The following SNTG1 variants were observed in gnomAD, a reference collection of about 807,000 sequenced individuals.
The protein encoded by SNTG1 is gamma-1-syntrophin.
In SNTG1, 39 loss-of-function variants were observed where a neutral mutation model predicts 74.7. The observed-to-expected ratio is 0.52, with a 90% CI of 0.40 to 0.68. The LOEUF is 0.68. Ranked by LOEUF, SNTG1 falls within the 30% of genes least tolerant of loss-of-function variation. The pLI, the probability that SNTG1 is intolerant of heterozygous loss-of-function variation, is 0.00. For missense variants in SNTG1, 685 were observed against 609.5 expected, an observed-to-expected ratio of 1.12 and a Z score of -1.30; for synonymous variants, 254 against 217.1, an observed-to-expected ratio of 1.17 and a Z score of -1.49.
intron 12 of SNTG1, among the ~76,000 whole-genome samples, chr8:50,561,326 T>C (rs567579225): frequency 6.6e-6 from 1 of 152,192 alleles, no homozygotes; most frequent in East Asian, 1.9e-4. Context: ...ACCTCTTTCC[T>C]TCATAAATTA....
chr8:50,220,684 G>T (rs1253782530), intron 2 of SNTG1, among the ~76,000 whole-genome samples: 1 of 152,188 alleles, frequency 6.6e-6, no homozygotes, highest in Non-Finnish European at 1.5e-5. Flanking sequence ...TGGAGCAAGA[G>T]TGCAGCACAG....
intron 2 of SNTG1, among the ~76,000 whole-genome samples, chr8:50,235,900 T>C (rs2132095535): frequency 6.6e-6 from 1 of 152,296 alleles, no homozygotes; most frequent in East Asian, 1.9e-4. Context: ...AAAAAAATGT[T>C]TCTAGCATTA....
Position 50,005,204 on chromosome 8 carries a change from A to G in SNTG1, c.-103+92973A>G, listed in dbSNP as rs369298131. Among the ~76,000 whole-genome samples the G allele has an allele frequency of 3.5e-4, 54 of 152,224 alleles. No homozygotes were observed. The South Asian group carries it at 6.6e-3, about 19-fold the overall frequency. On this transcript the variant is annotated intron_variant, in intron 1 of 18. Transcript: ENST00000642720. The stretch of plus-strand genomic sequence containing the variant: ...AAGCATACCTAAAGAAGAAAAATAT[A>G]CATTCTAAACTAGAAAACAAGGAAA...
At chr8:50,763,666 G>GTT (rs1563817345) in intron 18 of SNTG1, among the ~76,000 whole-genome samples, 2 of 149,028 alleles carry the variant, frequency 1.3e-5, no homozygotes, top group African/African-American at 4.9e-5. Flanking sequence ...GTGTGTGTGT[G>GTT]TGTGTGTGTG....
chr8:50,140,992 G>A (rs2081639024), intron 1 of SNTG1, among the ~76,000 whole-genome samples: 1 of 152,196 alleles, frequency 6.6e-6, no homozygotes, highest in East Asian at 1.9e-4. Context: ...AACATCCCCT[G>A]GAAACTTGAT....
At chr8:50,304,722 TA>T (rs1295506179) in intron 2 of SNTG1, among the ~76,000 whole-genome samples, 1 of 152,180 alleles carries the variant, frequency 6.6e-6, no homozygotes, top group East Asian at 1.9e-4. Flanking sequence ...TCTGAGCAGA[TA>T]GCTTTTTCAT....
At chr8:50,660,168 A>G (rs1171204548) in intron 15 of SNTG1, among the ~76,000 whole-genome samples, 1 of 151,616 alleles carries the variant, frequency 6.6e-6, no homozygotes, top group Non-Finnish European at 1.5e-5. Context: ...AAAGCTACTC[A>G]TGTAATTAGG....
At chr8:50,434,154 C>T (rs1341106038) in intron 4 of SNTG1, among the ~76,000 whole-genome samples, 1 of 151,572 alleles carries the variant, frequency 6.6e-6, no homozygotes, top group African/African-American at 2.4e-5. Flanking sequence ...GTTCTTTGTC[C>T]TTGCCATAGT....
intron 1 of SNTG1, among the ~76,000 whole-genome samples, chr8:49,999,551 C>T (rs569686568): frequency 7.2e-5 from 11 of 152,264 alleles, no homozygotes; most frequent in African/African-American, 2.6e-4. Flanking sequence ...TCTGACCATT[C>T]GTCCCTATTC....
At chr8:50,471,293 T>C (rs1361283715) in intron 8 of SNTG1, among the ~76,000 whole-genome samples, 2 of 151,806 alleles carry the variant, frequency 1.3e-5, no homozygotes, top group Non-Finnish European at 2.9e-5. Flanking sequence ...TGTGTTTCAA[T>C]AGACATTGCT....
intron 8 of SNTG1, among the ~76,000 whole-genome samples, chr8:50,476,693 T>G (rs2131790072): frequency 6.6e-6 from 1 of 152,318 alleles, no homozygotes; most frequent in East Asian, 1.9e-4. Context: ...ACTAGATTTT[T>G]CTTGCTGTCC....
intron 1 of SNTG1, among the ~76,000 whole-genome samples, chr8:49,949,124 C>A (rs1298736271): frequency 6.6e-6 from 1 of 152,138 alleles, no homozygotes; most frequent in Non-Finnish European, 1.5e-5. Context: ...TCTGTCCAGG[C>A]CTGATGGTTC....
intron 2 of SNTG1, among the ~76,000 whole-genome samples, chr8:50,260,429 C>T (rs1175731927): frequency 1.3e-5 from 2 of 152,054 alleles, no homozygotes; most frequent in African/African-American, 4.8e-5. Context: ...TAGTACACTT[C>T]TCCACACACA....
chr8:50,572,970 C>G (rs181317826), intron 12 of SNTG1, among the ~76,000 whole-genome samples: 2 of 152,184 alleles, frequency 1.3e-5, no homozygotes, highest in Admixed American at 1.3e-4. Context: ...TAAACAGCAT[C>G]CTGCATTGTC....
At chr8:49,941,967 A>C (rs1440967659) in intron 1 of SNTG1, among the ~76,000 whole-genome samples, 1 of 152,220 alleles carries the variant, frequency 6.6e-6, no homozygotes, top group African/African-American at 2.4e-5. Flanking sequence ...TGTTGGTCAT[A>C]TGTTTGACAT....
chr8:50,466,801 T>C (rs935282134), intron 8 of SNTG1, among the ~76,000 whole-genome samples: 2 of 152,056 alleles, frequency 1.3e-5, no homozygotes, highest in Non-Finnish European at 2.9e-5. Flanking sequence ...GTAAACAGTA[T>C]TGTTTTTCTA....
Position 50,778,092 on chromosome 8 carries a change from G to C in SNTG1, c.1396-14579G>C, listed in dbSNP as rs970294030. On this transcript the variant is annotated intron_variant, in intron 18 of 18. Transcript: ENST00000642720. ...GTATATGTGCCACATTTTCTTAATCGAGTCTATCATTGATGGACATTTGGG... is the reference window on the plus strand; with the variant it reads ...GTATATGTGCCACATTTTCTTAATCCAGTCTATCATTGATGGACATTTGGG... 6.6e-5 allele frequency among the ~76,000 whole-genome samples: 10 copies of C among 151,884 alleles called. No homozygotes were observed. The East Asian group carries it at 7.7e-4, about 12-fold the overall frequency.
intron 2 of SNTG1, among the ~76,000 whole-genome samples, chr8:50,278,266 T>C (rs62515887): frequency 2.0e-4 from 30 of 152,292 alleles, no homozygotes; most frequent in Non-Finnish European, 3.8e-4. Flanking sequence ...GGTGTAATTT[T>C]CTCTCATTGT....
intron 12 of SNTG1, among the ~76,000 whole-genome samples, chr8:50,564,334 A>G (rs1441833216): frequency 2.6e-5 from 4 of 152,152 alleles, no homozygotes; most frequent in Non-Finnish European, 5.9e-5. Flanking sequence ...CTGATTTTGT[A>G]CAATAATATA....
Sources: gnomAD v4.1 joint callset for allele counts (sites outside exome capture counted in the v4.1 genomes callset) on GRCh38, gnomAD v4.1.1 for gene constraint, MANE v1.5 for transcripts, NCBI Gene and HGNC (gene_info 2026-07-23, HGNC 2026-07-21) for gene names.